The following FGF12 variants were observed in gnomAD, a reference collection of about 807,000 sequenced individuals.
The protein encoded by FGF12 is fibroblast growth factor 12B.
A neutral mutation model predicts 23.6 loss-of-function variants in FGF12; 14 were observed. The observed-to-expected ratio is 0.59, with a 90% CI of 0.39 to 0.93. The LOEUF (loss-of-function observed/expected upper bound fraction) is 0.93, where lower values mean the gene tolerates loss of function less well. Ranked by LOEUF, FGF12 falls within the 40% of genes least tolerant of loss-of-function variation. FGF12 has a pLI of 0.00. For synonymous variants in FGF12, 62 were observed against 77.3 expected, an observed-to-expected ratio of 0.80 and a Z score of 1.04; for missense variants, 175 against 217.8, an observed-to-expected ratio of 0.80 and a Z score of 1.24.
chr3:192,253,428 G>GA (rs1712166590), intron 4 of FGF12, among the ~76,000 whole-genome samples: 1 of 151,642 alleles, frequency 6.6e-6, no homozygotes, highest in African/African-American at 2.4e-5. Flanking sequence ...GAGAGAGGGA[G>GA]GAAGGGAAAA....
chr3:192,489,902 G>A (rs1466647419), intron 2 of FGF12, among the ~76,000 whole-genome samples: 1 of 151,980 alleles, frequency 6.6e-6, no homozygotes, highest in Non-Finnish European at 1.5e-5. Flanking sequence ...CCTGGGCGAT[G>A]AAATAATCTG....
intron 2 of FGF12, among the ~76,000 whole-genome samples, chr3:192,538,079 TGA>T (rs1248848425): frequency 3.3e-5 from 5 of 151,892 alleles, no homozygotes; most frequent in Non-Finnish European, 7.4e-5. Context: ...CCTGAGCACC[TGA>T]GATTACAGAT....
intron 2 of FGF12, among the ~76,000 whole-genome samples, chr3:192,371,820 G>A (rs1719245688): frequency 6.6e-6 from 1 of 152,142 alleles, no homozygotes; most frequent in South Asian, 2.1e-4. Flanking sequence ...GTTAATCCAT[G>A]CCAGAGCCAG....
chr3:192,338,625 C>T (rs1425243749), intron 3 of FGF12, among the ~76,000 whole-genome samples: 1 of 152,246 alleles, frequency 6.6e-6, no homozygotes, highest in Middle Eastern at 3.4e-3. Flanking sequence ...AAGGACTACT[C>T]CCCAGCGGGT....
At chr3:192,227,677 A>C (rs1718811020) in intron 4 of FGF12, among the ~76,000 whole-genome samples, 1 of 152,050 alleles carries the variant, frequency 6.6e-6, no homozygotes. Context: ...TTGAAGGAAA[A>C]ATTGACTGAA....
At chr3:192,389,363 A>G (rs1720195971) in intron 2 of FGF12, among the ~76,000 whole-genome samples, 1 of 152,216 alleles carries the variant, frequency 6.6e-6, no homozygotes, top group South Asian at 2.1e-4. Context: ...CTCCATCTCA[A>G]ACAACGACAA....
chr3:192,469,786 A>G (rs894283412), intron 2 of FGF12, among the ~76,000 whole-genome samples: 5 of 152,202 alleles, frequency 3.3e-5, no homozygotes, highest in Non-Finnish European at 5.9e-5. Flanking sequence ...AATGGATATA[A>G]AAAGTGGGCA....
chr3:192,709,666 A>G (rs1417233838), intron 2 of FGF12, among the ~76,000 whole-genome samples: 2 of 152,186 alleles, frequency 1.3e-5, no homozygotes, highest in Non-Finnish European at 2.9e-5. Context: ...TGGTGCTGGG[A>G]AATTATTAAG....
chr3:192,509,949 T>C (rs1724420688), intron 2 of FGF12, among the ~76,000 whole-genome samples: 3 of 152,276 alleles, frequency 2.0e-5, no homozygotes, highest in South Asian at 4.1e-4. Context: ...AACTTAAAAA[T>C]TGAAGTTACT....
intron 4 of FGF12, among the ~76,000 whole-genome samples, chr3:192,282,533 A>G (rs1714207892): frequency 6.6e-6 from 1 of 152,148 alleles, no homozygotes. Flanking sequence ...AAAATCAAAA[A>G]GTAAGTATGT....
intron 2 of FGF12, among the ~76,000 whole-genome samples, chr3:192,523,224 C>G (rs1194397015): frequency 1.3e-5 from 2 of 152,020 alleles, no homozygotes; most frequent in East Asian, 1.9e-4. Flanking sequence ...ATCAGAAGAC[C>G]TAAGTGAACA....
At chr3:192,578,572 C>T (rs1457985496) in intron 2 of FGF12, among the ~76,000 whole-genome samples, 4 of 152,192 alleles carry the variant, frequency 2.6e-5, no homozygotes, top group Non-Finnish European at 5.9e-5. Flanking sequence ...GGAAGTGTGT[C>T]TTTAATTTTT....
At position 192,494,913 on chromosome 3, in the gene FGF12, T is replaced by G. The variant is rs181818339; in HGVS notation, c.14-134375A>C. 4.4e-4 allele frequency among the ~76,000 whole-genome samples: 67 copies of G among 152,204 alleles called. 1 individual carries two copies. Among genetic ancestry groups the G allele is most frequent in the Non-Finnish European group, 1.5e-5 (1 of 68,016 alleles). On this transcript the variant is annotated intron_variant, in intron 2 of 5. Transcript: ENST00000445105. ...TCTTCCTCTGTCACCCAGGCTAGAG[T>G]GCAGTGGCACGATCTCAGCTCACTG...
intron 5 of FGF12, among the ~76,000 whole-genome samples, chr3:192,164,315 C>G (rs1203006452): frequency 6.6e-6 from 1 of 152,058 alleles, no homozygotes; most frequent in Non-Finnish European, 1.5e-5. Flanking sequence ...GGGGAGGGGA[C>G]CCATGTAAGT....
chr3:192,287,111 T>C (rs553333550), intron 4 of FGF12, among the ~76,000 whole-genome samples: 46 of 152,184 alleles, frequency 3.0e-4, no homozygotes, highest in African/African-American at 1.1e-3. Context: ...CTAACCTTTT[T>C]TCTCCAAATA....
intron 2 of FGF12, among the ~76,000 whole-genome samples, chr3:192,618,053 G>A (rs775701697): frequency 7.0e-4 from 106 of 152,156 alleles, no homozygotes; most frequent in Non-Finnish European, 1.3e-3. Flanking sequence ...AAAGGAATGC[G>A]TTAACTTGGA....
At chr3:192,538,936 C>T (rs899619298) in intron 2 of FGF12, among the ~76,000 whole-genome samples, 1 of 151,974 alleles carries the variant, frequency 6.6e-6, no homozygotes, top group African/African-American at 2.4e-5. Context: ...ATTTCTTTTT[C>T]AGGTTATTTG....
intron 5 of FGF12, among the ~76,000 whole-genome samples, chr3:192,164,631 C>CA (rs1238388430): frequency 6.6e-6 from 1 of 152,024 alleles, no homozygotes; most frequent in Non-Finnish European, 1.5e-5. Flanking sequence ...AGAACAAAAG[C>CA]AAAACCCAAA....
rs908954102 is a variant in FGF12 at position 192,336,040 on chromosome 3, A to G, written c.125-576T>C. Among the ~76,000 whole-genome samples the G allele has an allele frequency of 2.0e-5, 3 of 151,948 alleles. No homozygotes were observed. The highest frequency in any genetic ancestry group is 7.2e-5 in the African/African-American group (3 of 41,446). On this transcript the variant is annotated intron_variant, in intron 3 of 5. Transcript: ENST00000445105. This position sits in a 1 kb window ranked among gnomAD's most constrained non-coding sequence, Gnocchi z 4.3. ...TTTTACATGTAAATAAACAGAGATA[A>G]ACAGATGGACAGATGATTGATAGAT...
Sources: allele counts gnomAD v4.1 joint callset (sites outside exome capture counted in the v4.1 genomes callset), GRCh38; gene constraint gnomAD v4.1.1; non-coding constraint Gnocchi (gnomAD v3.1); transcripts MANE v1.5; gene names NCBI Gene and HGNC (gene_info 2026-07-23, HGNC 2026-07-21).